The following NAT1 variants were observed in gnomAD, a reference collection of about 807,000 sequenced individuals.
NAT1 encodes the protein N-acetyltransferase 1.
For missense variants in NAT1, 400 were observed against 339.2 expected, an observed-to-expected ratio of 1.18 and a Z score of -1.41; for synonymous variants, 144 against 122.6, an observed-to-expected ratio of 1.17 and a Z score of -1.16.
upstream of NAT1, among the ~76,000 whole-genome samples, chr8:18,208,267 AC>A (rs923742690): frequency 1.1e-4 from 16 of 152,138 alleles, 1 homozygote; most frequent in Admixed American, 3.3e-4. Context: ...CTACACATGT[AC>A]CCCAGGGCTT....
upstream of NAT1, among the ~76,000 whole-genome samples, chr8:18,206,560 A>C (rs1347480852): frequency 6.6e-6 from 1 of 152,224 alleles, no homozygotes; most frequent in Non-Finnish European, 1.5e-5. Context: ...AGTCGAGAAA[A>C]AAATAAAAAG....
chr8:18,222,404 C>T lies in NAT1; in HGVS notation c.357C>T (p.Tyr119=), dbSNP rs1215385087. 6.8e-6 allele frequency: 11 copies of T among 1,613,974 alleles called. No homozygotes were observed. The highest frequency in any genetic ancestry group is 3.3e-4 in the Middle Eastern group (2 of 6,084). ...AGGTGACCATTGATGGCAGGAACTA[C>T]ATTGTCGATGCTGGGTTTGGACGCT... ...LLQVTIDGRN[Y]IVDAGFGRSY... Residue 119 remains tyrosine, a synonymous_variant, in exon 3 of 3, where the codon TAC becomes TAT. Transcript: ENST00000307719.
chr8:18,202,729 G>T (rs544040094), intron 2 of NAT1, among the ~76,000 whole-genome samples: 145 of 152,312 alleles, frequency 9.5e-4, no homozygotes, highest in Middle Eastern at 3.4e-3. Flanking sequence ...GACCCTGGCG[G>T]TGAGTGTTAC....
intron 2 of NAT1, among the ~76,000 whole-genome samples, chr8:18,185,682 C>G (rs1255085925): frequency 6.6e-6 from 1 of 151,734 alleles, no homozygotes; most frequent in African/African-American, 2.4e-5. Flanking sequence ...TTTAAAATTC[C>G]TTGGGTTTAA....
At chr8:18,212,092 T>C (rs1804166928) in intron 1 of NAT1, 1 of 152,092 alleles carries the variant, frequency 6.6e-6, no homozygotes, top group Non-Finnish European at 1.5e-5. Flanking sequence ...TCTTTAGCAA[T>C]AAAGAAAAAG....
upstream of NAT1, among the ~76,000 whole-genome samples, chr8:18,208,489 G>A (rs1425601398): frequency 1.3e-5 from 2 of 152,080 alleles, no homozygotes; most frequent in Admixed American, 6.5e-5. Flanking sequence ...TGATCTATCT[G>A]AAAAAGAAAT....
rs770209499 is a variant in NAT1 at position 18,222,591 on chromosome 8, G to GA, written c.546dup (p.Asp183ArgfsTer13). The GA allele has an allele frequency of 5.6e-6, 9 of 1,613,646 alleles. No individual in the cohort carries two copies. Among genetic ancestry groups the GA allele is most frequent in the Non-Finnish European group, 7.6e-6 (9 of 1,179,806 alleles). ...AGAATTTCTTCATTCTGATCTCCTA[G>GA]AAGACAGCAAATACCGAAAAATCTA... On this transcript the variant is annotated frameshift_variant, in exon 3 of 3. Transcript: ENST00000307719. LOFTEE classifies it low-confidence loss of function (END_TRUNC).
chr8:18,172,925 T>C (rs1479186411), intron 2 of NAT1, among the ~76,000 whole-genome samples: 1 of 152,090 alleles, frequency 6.6e-6, no homozygotes, highest in Non-Finnish European at 1.5e-5. Flanking sequence ...GAAAAGTGCC[T>C]CTGAGCAGTG....
intron 2 of NAT1, among the ~76,000 whole-genome samples, chr8:18,187,936 AACAC>A (rs35203470): frequency 0.075 from 10,275 of 137,368 alleles, 445 homozygotes; most frequent in African/African-American, 0.14. Flanking sequence ...TTGTATCTTA[AACAC>A]ACACACACAC....
intron 2 of NAT1, among the ~76,000 whole-genome samples, chr8:18,191,837 T>C (rs373342743): frequency 0.025 from 3,865 of 151,796 alleles, 173 homozygotes; most frequent in African/African-American, 0.088. Flanking sequence ...CAAAAATTAA[T>C]TCAAGATGGA....
intron 1 of NAT1, chr8:18,217,109 A>G (rs1804754663): frequency 1.4e-6 from 1 of 710,524 alleles, no homozygotes; most frequent in Non-Finnish European, 2.3e-6. Context: ...TATTTGTTAT[A>G]TAACTGGTTT....
Position 18,222,354 on chromosome 8 carries a change from A to C in NAT1, c.307A>C (p.Thr103Pro). The C allele has an allele frequency of 1.2e-6, 2 of 1,614,088 alleles. No individual in the cohort carries two copies. The highest frequency in any genetic ancestry group is 1.3e-5 in the African/African-American group (1 of 75,024). Residue 103 changes from threonine (T) to proline (P), a missense_variant, in exon 3 of 3, where the codon ACT becomes CCT. Coordinates refer to ENST00000307719, the MANE Select transcript of NAT1 (RefSeq NM_000662.8). ...VYSTPAKKYS[T>P]GMIHLLLQVT... ...CAGCACTCCAGCCAAAAAATACAGC[A>C]CTGGCATGATTCACCTTCTCCTGCA...
Position 18,222,479 on chromosome 8 carries a change from T to C in NAT1, c.432T>C (p.Pro144=), listed in dbSNP as rs1466874350. The part of the protein sequence containing the change: ...PLELISGKDQ[P]QVPCVFRLTE... ...AGTTAATTTCTGGGAAGGATCAGCC[T>C]CAGGTGCCTTGTGTCTTCCGTTTGA... The change falls in exon 3 of 3, where the codon CCT becomes CCC. Residue 144 remains proline (P), a synonymous_variant. Coordinates refer to ENST00000307719, the MANE Select transcript of NAT1 (RefSeq NM_000662.8). 1 of 1,614,092 alleles carries C rather than the reference T, an allele frequency of 6.2e-7. No individual in the cohort carries two copies. The highest frequency in any genetic ancestry group is 2.2e-5 in the East Asian group (1 of 44,880).
At chr8:18,212,229 C>G (rs935489503) in intron 1 of NAT1, 3 of 152,216 alleles carry the variant, frequency 2.0e-5, no homozygotes, top group Non-Finnish European at 2.9e-5. Flanking sequence ...TGCCAAGTCA[C>G]ATAGGGATAA....
rs560428348 is a variant in NAT1, at chr8:18,191,510, C to T, written n.93-18271C>T. ...AAACTACTTTAAAGTTCATATGGAA[C>T]CAAAAAAGAGCCCGCATCGCCAAGT... On this transcript the variant is annotated intron_variant and non_coding_transcript_variant, in intron 2 of 4. Coordinates refer to the NAT1 transcript ENST00000517441. 1.3e-3 allele frequency among the ~76,000 whole-genome samples: 192 copies of T among 151,752 alleles called. 3 individuals are homozygous for T. Among genetic ancestry groups the T allele is most frequent in the Non-Finnish European group, 1.0e-4 (7 of 67,884 alleles).
At chr8:18,191,943 T>G (rs1330596948) in intron 2 of NAT1, among the ~76,000 whole-genome samples, 1 of 152,016 alleles carries the variant, frequency 6.6e-6, no homozygotes, top group Admixed American at 6.6e-5. Flanking sequence ...GGACTTCATG[T>G]CTAAAACACA....
chr8:18,191,782 C>T (rs1236889560), intron 2 of NAT1, among the ~76,000 whole-genome samples: 1 of 151,300 alleles, frequency 6.6e-6, no homozygotes, highest in African/African-American at 2.4e-5. Context: ...AACTGGCTAG[C>T]CATATGTAGA....
chr8:18,200,028 G>C (rs953966078), intron 2 of NAT1, among the ~76,000 whole-genome samples: 31 of 152,308 alleles, frequency 2.0e-4, no homozygotes, highest in African/African-American at 7.2e-4. Flanking sequence ...TGCTGGTGAG[G>C]TTGTGGAGAA....
intron 2 of NAT1, among the ~76,000 whole-genome samples, chr8:18,193,672 C>A (rs1404589389): frequency 1.2e-4 from 13 of 104,148 alleles, no homozygotes; most frequent in African/African-American, 4.4e-4. Context: ...GACTTTCACT[C>A]TTGGGGTCAC....
Sources: gnomAD v4.1 joint callset for allele counts (sites outside exome capture counted in the v4.1 genomes callset) on GRCh38, gnomAD v4.1.1 for gene constraint, MANE v1.5 for transcripts, NCBI Gene and HGNC (gene_info 2026-07-23, HGNC 2026-07-21) for gene names.